The following NPR3 variants were observed in gnomAD, a reference collection of about 807,000 sequenced individuals.
NPR3 encodes natriuretic peptide receptor 3, also known as atrial natriuretic peptide receptor 3.
In NPR3, 34 loss-of-function variants were observed where a neutral mutation model predicts 54.5. The observed-to-expected ratio is 0.62, with a 90% CI of 0.47 to 0.83. NPR3 has a LOEUF of 0.83. Among genes scored for constraint, NPR3 ranks in the 40% least tolerant of loss-of-function variants. The pLI is 0.00. For synonymous variants in NPR3, 289 were observed against 297.1 expected (o/e 0.97, Z 0.28); for missense variants, 674 against 720.8 (o/e 0.94, Z 0.74).
intron 4 of NPR3, among the ~76,000 whole-genome samples, chr5:32,775,346 G>A (rs895483134): frequency 4.0e-5 from 6 of 149,918 alleles, no homozygotes; most frequent in Non-Finnish European, 8.9e-5. Context: ...CCAGGCTGGA[G>A]TTCAGTGGCA....
At chr5:32,771,822 G>C (rs1292330762) in intron 3 of NPR3, among the ~76,000 whole-genome samples, 2 of 152,178 alleles carry the variant, frequency 1.3e-5, no homozygotes, top group Non-Finnish European at 2.9e-5. Context: ...GGTCCTCAAA[G>C]TAAGAAGGGA....
chr5:32,753,021 GC>G, intron 3 of NPR3, among the ~76,000 whole-genome samples: 1 of 152,126 alleles, frequency 6.6e-6, no homozygotes. Context: ...ATAAGTATTT[GC>G]TTGCAATTGG....
chr5:32,770,860 T>C (rs1741719415), intron 3 of NPR3, among the ~76,000 whole-genome samples: 1 of 152,210 alleles, frequency 6.6e-6, no homozygotes, highest in African/African-American at 2.4e-5. Flanking sequence ...GATTGCTCCG[T>C]GGGGAAATCC....
rs114240110 is a variant in NPR3, at chr5:32,790,133, T to C, written c.*3788T>C. On this transcript the variant is annotated 3_prime_UTR_variant, in exon 8 of 8. Transcript: ENST00000265074. The stretch of plus-strand genomic sequence containing the variant: ...ACTGAAACTGTCTAAAAACACGGGA[T>C]ATATTTTAGAGGCAATTGTGGAAGC... 531 of 185,220 alleles carry C rather than the reference T, an allele frequency of 2.9e-3. 5 individuals are homozygous for C. The highest frequency in any genetic ancestry group is 0.012 in the African/African-American group (498 of 41,904). The allele number at this position is 185,220 out of a possible 1,614,324, so 11.5% of individuals were successfully genotyped here.
chr5:32,708,847 C>T (rs1337531493), upstream of NPR3, among the ~76,000 whole-genome samples: 1 of 151,538 alleles, frequency 6.6e-6, no homozygotes, highest in Admixed American at 6.6e-5. Context: ...TTTTAAAAAC[C>T]CTAATTGTTG....
In NPR3 at chr5:32,774,774, C is replaced by G. The variant is rs768207020; in HGVS notation, c.1126C>G (p.Leu376Val). The G allele has an allele frequency of 6.2e-7, 1 of 1,600,996 alleles. No homozygotes were observed. The highest frequency in any genetic ancestry group is 8.6e-7 in the Non-Finnish European group (1 of 1,167,994). The change falls in exon 4 of 8, where the codon CTC (leucine) becomes GTC (valine). Residue 376 changes from leucine (L) to valine (V), a missense_variant. Transcript: ENST00000265074. ...CTACGTCTTGGCTCTACATGAAGTA[C>G]TCAGAGCTGGTTACAGCAAAAAGGA... is the stretch of plus-strand genomic sequence containing the variant. ...LLYVLALHEV[L>V]RAGYSKKDGG... is the part of the protein sequence containing the mutation.
intron 1 of NPR3, among the ~76,000 whole-genome samples, chr5:32,695,307 C>T (rs950387149): frequency 8.5e-5 from 13 of 152,162 alleles, no homozygotes; most frequent in African/African-American, 3.1e-4. Flanking sequence ...CTCTGTCGTC[C>T]AGGCTGGAGT....
intron 1 of NPR3, 84 bp downstream of exon 1, chr5:32,712,629 C>T: frequency 1.6e-6 from 2 of 1,264,384 alleles, no homozygotes; most frequent in Non-Finnish European, 2.2e-6. Flanking sequence ...ACTCTGCAGA[C>T]CCCACTCCCC....
Position 32,789,740 on chromosome 5 carries a change from C to T in NPR3, c.*3395C>T, listed in dbSNP as rs1742814695. ...GGTGTGTGTGTGTAAGACATGCAGT[C>T]AACAATGAGATGAAGGCCATTGCAT... On this transcript the variant is annotated 3_prime_UTR_variant, in exon 8 of 8. Coordinates refer to ENST00000265074, the MANE Select transcript of NPR3 (RefSeq NM_001204375.2). 1 of 533,856 alleles carries T rather than the reference C, an allele frequency of 1.9e-6. No individual in the cohort carries two copies. The highest frequency in any genetic ancestry group is 5.5e-5 in the East Asian group (1 of 18,336). The allele number at this position is 533,856 out of a possible 1,614,324, so 33.1% of individuals were successfully genotyped here.
intron 1 of NPR3, among the ~76,000 whole-genome samples, chr5:32,719,451 C>A (rs1371202157): frequency 6.6e-6 from 1 of 152,174 alleles, no homozygotes; most frequent in Non-Finnish European, 1.5e-5. Context: ...ATAATTTTCC[C>A]TCGAATTGTG....
chr5:32,740,561 G>A (rs1739982989), intron 3 of NPR3, among the ~76,000 whole-genome samples: 1 of 150,904 alleles, frequency 6.6e-6, no homozygotes, highest in Non-Finnish European at 1.5e-5. Flanking sequence ...AAAAAAGTGA[G>A]CCACATATAG....
At chr5:32,722,598 A>C (rs1189971007) in intron 1 of NPR3, among the ~76,000 whole-genome samples, 1 of 152,180 alleles carries the variant, frequency 6.6e-6, no homozygotes, top group Non-Finnish European at 1.5e-5. Context: ...CACTTGATCG[A>C]AAAATGATGA....
chr5:32,790,940 TTAAAGACC>T lies in NPR3; in HGVS notation c.*4600_*4607del, dbSNP rs878906984. Reference sequence around the variant, plus strand: ...AATGCTGCATTGCTTTGATTCATGTTTAAAGACCTAAATTTCTATGCACAAGGAATAAA... The same window carrying T: ...AATGCTGCATTGCTTTGATTCATGTTTAAATTTCTATGCACAAGGAATAAA... On this transcript the variant is annotated 3_prime_UTR_variant, in exon 8 of 8. Coordinates refer to ENST00000265074, the MANE Select transcript of NPR3 (RefSeq NM_001204375.2). 8 of 167,196 alleles carry T rather than the reference TTAAAGACC, an allele frequency of 4.8e-5. No individual in the cohort carries two copies. In the South Asian group the frequency reaches 1.7e-3, roughly 35 times the overall value. The allele number at this position is 167,196 out of a possible 1,614,324, so 10.4% of individuals were successfully genotyped here.
chr5:32,753,035 CATA>C (rs1740654247), intron 3 of NPR3, among the ~76,000 whole-genome samples: 1 of 152,128 alleles, frequency 6.6e-6, no homozygotes, highest in Non-Finnish European at 1.5e-5. Flanking sequence ...GCAATTGGCA[CATA>C]TTGGCAGGTA....
In NPR3 at chr5:32,774,822, A is replaced by G; in HGVS notation, c.1174A>G (p.Thr392Ala). ...GGATGGAGGGAAAATTATACAGCAG[A>G]CTTGGAACAGAACATTTGAAGGTGG... The part of the protein sequence containing the change: ...KKDGGKIIQQ[T>A]WNRTFEGIAG... Residue 392 changes from threonine to alanine, a missense_variant, in exon 4 of 8, where the codon ACT (threonine) becomes GCT (alanine). Physicochemically the swap from Thr to Ala is moderately conservative, Grantham distance 58 (BLOSUM62 0). Coordinates refer to ENST00000265074, the MANE Select transcript of NPR3 (RefSeq NM_001204375.2). 1 of 1,611,640 alleles carries G rather than the reference A, an allele frequency of 6.2e-7. No individual in the cohort carries two copies.
Position 32,760,574 on chromosome 5 carries a change from T to C in NPR3, c.1060-14134T>C, listed in dbSNP as rs116031931. Among the ~76,000 whole-genome samples the C allele has an allele frequency of 4.8e-3, 727 of 152,314 alleles. 4 individuals are homozygous for C. Among genetic ancestry groups the C allele is most frequent in the African/African-American group, 0.017 (694 of 41,562 alleles). ...GTTTGAAAGATTTCTTTTTTATATA[T>C]TCTGGATATAAGTCAGATATCTGTA... On this transcript the variant is annotated intron_variant, in intron 3 of 7. Transcript: ENST00000265074.
At chr5:32,760,814 AT>A (rs1741128062) in intron 3 of NPR3, among the ~76,000 whole-genome samples, 1 of 151,934 alleles carries the variant, frequency 6.6e-6, no homozygotes, top group African/African-American at 2.4e-5. Context: ...TGGCTTTTAT[AT>A]TTAGGTCTGT....
chr5:32,758,774 A>C (rs528295252), intron 3 of NPR3, among the ~76,000 whole-genome samples: 3 of 152,226 alleles, frequency 2.0e-5, no homozygotes, highest in African/African-American at 7.2e-5. Context: ...CAGTGCTTTA[A>C]ATGTGTCCCA....
upstream of NPR3, among the ~76,000 whole-genome samples, chr5:32,707,557 A>G (rs1028516787): frequency 1.3e-5 from 2 of 152,180 alleles, no homozygotes; most frequent in African/African-American, 4.8e-5. Flanking sequence ...AATTATTTGT[A>G]ATGTTCTTTC....
Sources: allele counts gnomAD v4.1 joint callset (sites outside exome capture counted in the v4.1 genomes callset), GRCh38; gene constraint gnomAD v4.1.1; transcripts MANE v1.5; gene names NCBI Gene and HGNC (gene_info 2026-07-23, HGNC 2026-07-21).